EPB41L1: variants seen among roughly 807,000 people sequenced by gnomAD.
The protein encoded by EPB41L1 is band 4.1-like protein 1.
In EPB41L1, 29 loss-of-function variants were observed where a neutral mutation model predicts 97.8. The ratio of observed to expected loss-of-function variants is 0.30; its 90% CI spans 0.22 to 0.40. EPB41L1 has a LOEUF of 0.40. EPB41L1 is among the 10% of genes least tolerant of loss of function. EPB41L1 has a pLI of 1.00. For missense variants in EPB41L1, 812 were observed against 1,162.3 expected, an observed-to-expected ratio of 0.70 and a Z score of 4.38; for synonymous variants, 383 against 459.2, an observed-to-expected ratio of 0.83 and a Z score of 2.12.
upstream of EPB41L1, among the ~76,000 whole-genome samples, chr20:36,154,576 G>A (rs2060200701): frequency 6.7e-6 from 1 of 148,304 alleles, no homozygotes; most frequent in Admixed American, 6.7e-5. The surrounding 1 kb of genome is among the most constrained non-coding windows in gnomAD (Gnocchi z 5.5). Flanking sequence ...GCAGGGCCGC[G>A]GCGCGCTGGG....
intron 1 of EPB41L1, 132 bp from the exon 2 acceptor site, chr20:36,173,632 C>T: frequency 2.5e-6 from 2 of 816,214 alleles, no homozygotes; most frequent in Non-Finnish European, 2.1e-6. Flanking sequence ...CTCTCCCTTC[C>T]TCCTCCCTTT....
intron 14 of EPB41L1, among the ~76,000 whole-genome samples, chr20:36,202,055 G>A (rs931834969): frequency 2.0e-5 from 3 of 152,110 alleles, no homozygotes; most frequent in African/African-American, 7.2e-5. Context: ...AAAACTATCC[G>A]CACACTCTCT....
chr20:36,227,123 T>C (rs538334246), intron 21 of EPB41L1, among the ~76,000 whole-genome samples: 3 of 152,096 alleles, frequency 2.0e-5, no homozygotes, highest in Non-Finnish European at 2.9e-5. Flanking sequence ...AAGACCAGCC[T>C]GGCCATCATA....
At chr20:36,183,164 G>T (rs2146155710) in intron 6 of EPB41L1, among the ~76,000 whole-genome samples, 1 of 152,310 alleles carries the variant, frequency 6.6e-6, no homozygotes, top group South Asian at 2.1e-4. Context: ...CTCACTTCAT[G>T]ATATCCTGGG....
intron 5 of EPB41L1, among the ~76,000 whole-genome samples, chr20:36,180,270 A>G (rs1209479286): frequency 6.6e-6 from 1 of 152,184 alleles, no homozygotes; most frequent in African/African-American, 2.4e-5. Flanking sequence ...CCTCTGTGAC[A>G]GCACCTCAGC....
Position 36,229,530 on chromosome 20 carries a change from C to A in EPB41L1, c.*190C>A. On this transcript the variant is annotated 3_prime_UTR_variant, in exon 22 of 22. Coordinates refer to ENST00000338074, the MANE Select transcript of EPB41L1 (RefSeq NM_012156.2). Reference sequence around the variant, plus strand: ...GAGATATAGATATATATACAGGAAACACCGCATCCTTGCACTGCTGCTGGG... The same window carrying A: ...GAGATATAGATATATATACAGGAAAAACCGCATCCTTGCACTGCTGCTGGG... 1 of 538,526 alleles carries A rather than the reference C, an allele frequency of 1.9e-6. No homozygotes were observed. Among genetic ancestry groups the A allele is most frequent in the Non-Finnish European group, 3.4e-6 (1 of 296,088 alleles). 33.4% of individuals were successfully genotyped at this position (538,526 alleles called of 1,614,324 possible).
At chr20:36,182,105 C>G (rs2061493996) in intron 5 of EPB41L1, among the ~76,000 whole-genome samples, 167 bp from the exon 6 acceptor site, 1 of 152,180 alleles carries the variant, frequency 6.6e-6, no homozygotes, top group Non-Finnish European at 1.5e-5. Context: ...TAACTTGGGC[C>G]TCAGTTTGCT....
chr20:36,162,316 GTTA>G (rs943781521), intron 1 of EPB41L1, among the ~76,000 whole-genome samples: 2 of 152,356 alleles, frequency 1.3e-5, no homozygotes, highest in Non-Finnish European at 2.9e-5. Context: ...TGATACTGCC[GTTA>G]TTATTTCTAC....
At chr20:36,227,910 TCC>T (rs1255292972) in intron 21 of EPB41L1, among the ~76,000 whole-genome samples, 3 of 152,154 alleles carry the variant, frequency 2.0e-5, no homozygotes, top group Non-Finnish European at 4.4e-5. Flanking sequence ...AGGACCTGTC[TCC>T]CAAACACCAC....
In EPB41L1 at chr20:36,219,777, T is replaced by A; in HGVS notation, c.2372T>A (p.Val791Asp). Residue 791 changes from valine (V) to aspartate (D), a missense_variant, in exon 19 of 22, where the codon GTC (valine) becomes GAC (aspartate). Physicochemically the swap from Val to Asp is radical, Grantham distance 152. Transcript: ENST00000338074. ...RSLSPIIGKDVLTSTYGATAE... is the reference protein window; with the variant it reads ...RSLSPIIGKDDLTSTYGATAE... ...ATTCTGCAGATCATCGGGAAAGATG[T>A]CCTCACCAGCACCTACGGCGCCACT... 1 of 1,614,064 alleles carries A rather than the reference T, an allele frequency of 6.2e-7. No individual in the cohort carries two copies. The highest frequency in any genetic ancestry group is 1.7e-5 in the Admixed American group (1 of 60,010).
upstream of EPB41L1, among the ~76,000 whole-genome samples, chr20:36,153,480 A>G (rs2060140991): frequency 2.0e-5 from 3 of 152,152 alleles, no homozygotes; most frequent in South Asian, 4.1e-4. Context: ...CATGGTAGGT[A>G]CTTAGGAATG....
chr20:36,108,828 G>GGAA (rs1409088787), intron 1 of EPB41L1, among the ~76,000 whole-genome samples: 3 of 152,178 alleles, frequency 2.0e-5, no homozygotes, highest in African/African-American at 7.2e-5. Context: ...AGTTATTTGG[G>GGAA]GAAGGTTGGG....
intron 14 of EPB41L1, among the ~76,000 whole-genome samples, chr20:36,205,267 T>A (rs1194334111): frequency 6.6e-6 from 1 of 152,174 alleles, no homozygotes; most frequent in African/African-American, 2.4e-5. Context: ...GCACCCATAT[T>A]CCATGGTTGT....
intron 2 of EPB41L1, among the ~76,000 whole-genome samples, chr20:36,126,484 A>G (rs2058974560): frequency 2.6e-5 from 4 of 151,112 alleles, no homozygotes; most frequent in South Asian, 4.2e-4. Context: ...CTCCTAACTC[A>G]GCCTCCCAAA....
At chr20:36,136,411 C>G (rs1170318902) in intron 2 of EPB41L1, among the ~76,000 whole-genome samples, 1 of 149,608 alleles carries the variant, frequency 6.7e-6, no homozygotes, top group Non-Finnish European at 1.5e-5. Flanking sequence ...AACTCCTGGC[C>G]TCAAGTGATC....
intron 14 of EPB41L1, chr20:36,208,468 C>G (rs372820228): frequency 2.2e-5 from 7 of 314,280 alleles, no homozygotes; most frequent in South Asian, 1.7e-4. Context: ...CAGGATGCAT[C>G]GCCGCCTTAG....
intron 2 of EPB41L1, among the ~76,000 whole-genome samples, chr20:36,129,941 T>G (rs997271666): frequency 1.4e-5 from 2 of 147,246 alleles, no homozygotes; most frequent in Non-Finnish European, 3.0e-5. Context: ...TTTGTTTTTT[T>G]TTTTTGTTTT....
Position 36,190,574 on chromosome 20 carries a change from G to T in EPB41L1, c.1125-48G>T. The T allele has an allele frequency of 6.2e-7, 1 of 1,611,036 alleles. No homozygotes were observed. Among genetic ancestry groups the T allele is most frequent in the Non-Finnish European group, 8.5e-7 (1 of 1,178,458 alleles). On this transcript the variant is annotated intron_variant, in intron 10 of 21. Coordinates refer to ENST00000338074, the MANE Select transcript of EPB41L1 (RefSeq NM_012156.2). This position sits in a 1 kb window ranked among gnomAD's most constrained non-coding sequence, Gnocchi z 5.8. ...CAGCTGTGGTCTAACCTTGGGCCTG[G>T]CAGTGCAGGTCTGATTCCTCCTCCT...
chr20:36,125,603 A>G lies in EPB41L1; in HGVS notation c.-10+13123A>G. ...AACCACAAGTGCACAGAGGCATGAA[A>G]CACTTTGGAGTGGCAGGAGTTTCCT... On this transcript the variant is annotated intron_variant, in intron 2 of 19. Coordinates refer to the EPB41L1 transcript ENST00000202028. The G allele has an allele frequency of 2.0e-6, 3 of 1,515,308 alleles. No individual in the cohort carries two copies. In the East Asian group the frequency reaches 7.4e-5, roughly 37 times the overall value. The allele number at this position is 1,515,308 out of a possible 1,614,324, so 93.9% of individuals were successfully genotyped here. A position where few individuals can be genotyped will look rare whatever the true frequency, so the allele number is the denominator to read the frequency against.
Sources: allele counts gnomAD v4.1 joint callset (sites outside exome capture counted in the v4.1 genomes callset), GRCh38; gene constraint gnomAD v4.1.1; non-coding constraint Gnocchi (gnomAD v3.1); transcripts MANE v1.5; gene names NCBI Gene and HGNC (gene_info 2026-07-23, HGNC 2026-07-21).